The following GRM5 variants were observed in gnomAD, a reference collection of about 807,000 sequenced individuals.
GRM5 encodes the protein glutamate metabotropic receptor 5, also known as metabotropic glutamate receptor 5.
In GRM5, 19 loss-of-function variants were observed where a neutral mutation model predicts 83.1. That is an observed-to-expected ratio of 0.23 (90% CI 0.16 to 0.34). The LOEUF is 0.34. Among genes scored for constraint, GRM5 ranks in the 10% least tolerant of loss-of-function variants. The probability of loss-of-function intolerance (pLI) is 1.00; values close to 1 mark genes in which losing one functional copy is unlikely to be tolerated. For synonymous variants in GRM5, 675 were observed against 633.6 expected, an observed-to-expected ratio of 1.07 and a Z score of -0.98; for missense variants, 1,160 against 1,588.3, an observed-to-expected ratio of 0.73 and a Z score of 4.58.
intron 2 of GRM5, among the ~76,000 whole-genome samples, chr11:88,896,082 A>T (rs1945224380): frequency 1.3e-5 from 2 of 151,972 alleles, no homozygotes; most frequent in Admixed American, 1.3e-4. Flanking sequence ...GGTAATATGT[A>T]TTGAAAGTTT....
intron 7 of GRM5, among the ~76,000 whole-genome samples, chr11:88,587,010 C>T (rs538195396): frequency 5.9e-5 from 9 of 152,248 alleles, no homozygotes; most frequent in East Asian, 1.9e-4. Flanking sequence ...GAGGTTGACA[C>T]GTATTTACCG....
chr11:88,951,811 T>A (rs560177412), intron 2 of GRM5, among the ~76,000 whole-genome samples: 1 of 152,340 alleles, frequency 6.6e-6, no homozygotes, highest in East Asian at 1.9e-4. Flanking sequence ...AATGACTGAT[T>A]CTGGCATGGA....
At chr11:89,060,363 A>G (rs1941967278) in intron 1 of GRM5, among the ~76,000 whole-genome samples, 1 of 151,984 alleles carries the variant, frequency 6.6e-6, no homozygotes, top group Admixed American at 6.6e-5. Context: ...GGGTTATGGC[A>G]GTACATGTTA....
At chr11:88,951,500 C>T (rs1938463065) in intron 2 of GRM5, among the ~76,000 whole-genome samples, 2 of 152,222 alleles carry the variant, frequency 1.3e-5, no homozygotes, top group Non-Finnish European at 2.9e-5. Flanking sequence ...CTGATGTGTC[C>T]TGTGTTTGCT....
At chr11:88,842,071 T>C (rs1207643692) in intron 3 of GRM5, among the ~76,000 whole-genome samples, 1 of 152,220 alleles carries the variant, frequency 6.6e-6, no homozygotes, top group Non-Finnish European at 1.5e-5. Context: ...TAATCAGGAA[T>C]GGCTCACAAG....
chr11:88,681,631 G>GTGTGATCT (rs1437442011), intron 3 of GRM5, among the ~76,000 whole-genome samples: 1 of 119,582 alleles, frequency 8.4e-6, no homozygotes, highest in African/African-American at 3.1e-5. Flanking sequence ...GAGTGCAGTG[G>GTGTGATCT]TGTGATCTTG....
At chr11:88,899,323 T>C (rs1945281899) in intron 2 of GRM5, among the ~76,000 whole-genome samples, 1 of 151,898 alleles carries the variant, frequency 6.6e-6, no homozygotes, top group African/African-American at 2.4e-5. Flanking sequence ...TCTGTTAAAT[T>C]TTATCTCATA....
intron 8 of GRM5, among the ~76,000 whole-genome samples, chr11:88,533,470 T>C (rs561295662): frequency 6.6e-6 from 1 of 152,330 alleles, no homozygotes; most frequent in East Asian, 1.9e-4. Flanking sequence ...TCTGTTACCA[T>C]TTCCTGCTTT....
rs112027885 is a variant in GRM5, at chr11:88,845,065, A to G, written c.911+4841T>C. 3.4e-3 allele frequency among the ~76,000 whole-genome samples: 523 copies of G among 152,340 alleles called. 4 individuals carry two copies. The highest frequency in any genetic ancestry group is 0.012 in the African/African-American group (496 of 41,570). On this transcript the variant is annotated intron_variant, in intron 3 of 9. Coordinates refer to ENST00000305447, the MANE Select transcript of GRM5 (RefSeq NM_001143831.3). Reference sequence around the variant, plus strand: ...ATAGAATTTGAAAGGACTGACTCCAATTTTAAGAGCAGTTCTAACGCGGGT... The same window carrying G: ...ATAGAATTTGAAAGGACTGACTCCAGTTTTAAGAGCAGTTCTAACGCGGGT...
chr11:88,539,078 T>C (rs1417494585), intron 8 of GRM5, among the ~76,000 whole-genome samples: 1 of 152,198 alleles, frequency 6.6e-6, no homozygotes, highest in African/African-American at 2.4e-5. Flanking sequence ...GATTCCTCTG[T>C]GATACTAACT....
chr11:88,713,578 ATCT>A (rs2135386728), intron 3 of GRM5, among the ~76,000 whole-genome samples: 1 of 152,154 alleles, frequency 6.6e-6, no homozygotes, highest in South Asian at 2.1e-4. Flanking sequence ...ATATTTACCC[ATCT>A]TCTTTTACTC....
chr11:88,669,542 T>C (rs1218143777), intron 3 of GRM5, among the ~76,000 whole-genome samples: 1 of 152,060 alleles, frequency 6.6e-6, no homozygotes, highest in Admixed American at 6.6e-5. Context: ...ATTATTTACC[T>C]AGAAGATCTG....
rs549944271 is a variant in GRM5, at chr11:88,718,382, C to CTAT, written c.912-64982_912-64980dup. ...GATCTTCTTTCACCTGTTCCTCCCTCTATTTTCAGTTTAACAAAGTGATTA... is the reference window on the plus strand; with the variant it reads ...GATCTTCTTTCACCTGTTCCTCCCTCTATTATTTTCAGTTTAACAAAGTGATTA... On this transcript the variant is annotated intron_variant, in intron 3 of 9. Coordinates refer to ENST00000305447, the MANE Select transcript of GRM5 (RefSeq NM_001143831.3). Among the ~76,000 whole-genome samples, 32 of 151,974 alleles carry CTAT rather than the reference C, an allele frequency of 2.1e-4. No individual in the cohort carries two copies. In the South Asian group the frequency reaches 5.0e-3, roughly 24 times the overall value.
At chr11:88,991,214 C>G in intron 2 of GRM5, among the ~76,000 whole-genome samples, 1 of 152,000 alleles carries the variant, frequency 6.6e-6, no homozygotes, top group East Asian at 1.9e-4. Context: ...TCTTATACAC[C>G]AACAACAGAC....
intron 3 of GRM5, among the ~76,000 whole-genome samples, chr11:88,660,928 G>A (rs1391836509): frequency 6.6e-6 from 1 of 152,156 alleles, no homozygotes; most frequent in Non-Finnish European, 1.5e-5. Context: ...GCTCCTCTGG[G>A]CTTAATGGTT....
At chr11:88,959,302 T>C (rs1215819323) in intron 2 of GRM5, among the ~76,000 whole-genome samples, 2 of 151,942 alleles carry the variant, frequency 1.3e-5, no homozygotes, top group Admixed American at 6.6e-5. Context: ...CATGTTGAAA[T>C]AAATATATTC....
chr11:88,740,949 C>T (rs1341201776), intron 3 of GRM5, among the ~76,000 whole-genome samples: 2 of 152,002 alleles, frequency 1.3e-5, no homozygotes, highest in African/African-American at 4.8e-5. Flanking sequence ...CCCATCATAG[C>T]CCAAATGGGA....
chr11:88,828,734 T>C (rs12288609), intron 3 of GRM5, among the ~76,000 whole-genome samples: 3,879 of 152,164 alleles, frequency 0.025, 173 homozygotes, highest in African/African-American at 0.089. Flanking sequence ...TTATTGTGCA[T>C]GTTTAAAATC....
Position 88,589,785 on chromosome 11 carries a change from A to T in GRM5, c.1690+816T>A, listed in dbSNP as rs114148929. On this transcript the variant is annotated intron_variant, in intron 7 of 9. Transcript: ENST00000305447. ...ATCTATGTCCTCTTATTATATTGTA[A>T]TCATATTTTTACTTTTTTGCCTCCT... Among the ~76,000 whole-genome samples, 494 of 152,274 alleles carry T rather than the reference A, an allele frequency of 3.2e-3. 1 individual carries two copies. Among genetic ancestry groups the T allele is most frequent in the African/African-American group, 0.011 (471 of 41,566 alleles).
Sources: allele counts gnomAD v4.1 joint callset (sites outside exome capture counted in the v4.1 genomes callset), GRCh38; gene constraint gnomAD v4.1.1; transcripts MANE v1.5; gene names NCBI Gene and HGNC (gene_info 2026-07-23, HGNC 2026-07-21).